The following TACR3 variants were observed in gnomAD, a reference collection of about 807,000 sequenced individuals.
The protein encoded by TACR3 is tachykinin receptor 3, also known as neuromedin-K receptor.
In TACR3, 34 loss-of-function variants were observed where a neutral mutation model predicts 35.0. The ratio of observed to expected loss-of-function variants is 0.97; its 90% CI spans 0.74 to 1.30. The LOEUF (loss-of-function observed/expected upper bound fraction) is 1.30. TACR3 is among the 50% of genes most tolerant of loss of function. The probability of loss-of-function intolerance (pLI) is 0.00; values close to 1 mark genes in which losing one functional copy is unlikely to be tolerated. For missense variants in TACR3, 558 were observed against 591.7 expected, an observed-to-expected ratio of 0.94 and a Z score of 0.59; for synonymous variants, 233 against 221.1, an observed-to-expected ratio of 1.05 and a Z score of -0.48.
intron 3 of TACR3, among the ~76,000 whole-genome samples, chr4:103,621,801 A>C (rs1042283706): frequency 2.0e-5 from 3 of 152,192 alleles, no homozygotes; most frequent in Non-Finnish European, 2.9e-5. Flanking sequence ...TTGGAGTGAG[A>C]GGTGGTTAAT....
intron 1 of TACR3, among the ~76,000 whole-genome samples, chr4:103,669,020 C>A (rs1361342455): frequency 6.6e-6 from 1 of 152,062 alleles, no homozygotes; most frequent in Non-Finnish European, 1.5e-5. Flanking sequence ...TTTTGGAATA[C>A]ACAATATATT....
intron 3 of TACR3, among the ~76,000 whole-genome samples, chr4:103,595,754 ATTTTT>A (rs1431355595): frequency 6.6e-6 from 1 of 151,274 alleles, no homozygotes; most frequent in Admixed American, 6.6e-5. Context: ...TAATTATTTT[ATTTTT>A]ATTATTATAC....
chr4:103,589,735 C>G lies in TACR3; in HGVS notation c.1345G>C (p.Ala449Pro). 1 of 1,613,880 alleles carries G rather than the reference C, an allele frequency of 6.2e-7. No individual in the cohort carries two copies. Among genetic ancestry groups the G allele is most frequent in the Non-Finnish European group, 8.5e-7 (1 of 1,179,876 alleles). Residue 449 changes from alanine to proline, a missense_variant, in exon 5 of 5, where the codon GCC becomes CCC. Coordinates refer to ENST00000304883, the MANE Select transcript of TACR3 (RefSeq NM_001059.3). ...GGTGAGCTTATGAAACTTGAAGTGGCGGAGGCAGATTTGGAATTCCTGCGA... is the reference window on the plus strand; with the variant it reads ...GGTGAGCTTATGAAACTTGAAGTGGGGGAGGCAGATTTGGAATTCCTGCGA... ...CSRRNSKSAS[A>P]TSSFISSPYT...
chr4:103,622,944 G>A (rs545784912), intron 3 of TACR3, among the ~76,000 whole-genome samples: 1 of 152,034 alleles, frequency 6.6e-6, no homozygotes, highest in Non-Finnish European at 1.5e-5. Context: ...GCATGTTAAA[G>A]TTCTACTCAA....
chr4:103,650,624 ATAAATATATAATATATATT>A (rs1560821876), intron 3 of TACR3, among the ~76,000 whole-genome samples: 6 of 96,086 alleles, frequency 6.2e-5, no homozygotes, highest in East Asian at 2.5e-4. Flanking sequence ...TATATTATAT[ATAAATATATAATATATATT>A]TAATATATAT....
intron 3 of TACR3, among the ~76,000 whole-genome samples, chr4:103,649,981 C>T (rs151020254): frequency 1.3e-3 from 195 of 152,120 alleles, no homozygotes; most frequent in Non-Finnish European, 2.3e-3. Context: ...ACCCATCCTT[C>T]TTGGGAAGGA....
rs547477320 is a variant in TACR3 at position 103,709,925 on chromosome 4, A to G, written c.548+9203T>C. 1.6e-4 allele frequency among the ~76,000 whole-genome samples: 24 copies of G among 152,322 alleles called. No homozygotes were observed. In the South Asian group the frequency reaches 4.8e-3, roughly 30 times the overall value. On this transcript the variant is annotated intron_variant, in intron 1 of 4. Transcript: ENST00000304883. ...AAGTGACAAAGAAGGCCATTACATA[A>G]TGGTAAAGGGATCAATTCAACAAGA...
intron 3 of TACR3, among the ~76,000 whole-genome samples, chr4:103,638,757 AC>A (rs1288978155): frequency 2.2e-4 from 33 of 152,146 alleles, no homozygotes; most frequent in African/African-American, 8.0e-4. Flanking sequence ...AAAACAAACA[AC>A]CCCATCAAAA....
chr4:103,601,117 C>T (rs1275615666), intron 3 of TACR3, among the ~76,000 whole-genome samples: 8 of 152,108 alleles, frequency 5.3e-5, no homozygotes, highest in Non-Finnish European at 1.2e-4. Flanking sequence ...TCGCTAAGGA[C>T]TTGCTTTATG....
At position 103,597,048 on chromosome 4, in the gene TACR3, G is replaced by A. The variant is rs187021471; in HGVS notation, c.889-5365C>T. The stretch of plus-strand genomic sequence containing the variant: ...CCAAGTCTTTGCTATTGTGAATAGT[G>A]CCGCAATAAACACATGTGTGCATGC... On this transcript the variant is annotated intron_variant, in intron 3 of 4. Transcript: ENST00000304883. Among the ~76,000 whole-genome samples the A allele has an allele frequency of 7.6e-3, 1,157 of 152,112 alleles. 18 individuals carry two copies. The highest frequency in any genetic ancestry group is 0.035 in the South Asian group (166 of 4,808).
intron 3 of TACR3, among the ~76,000 whole-genome samples, chr4:103,601,392 G>C (rs183533611): frequency 1.3e-5 from 2 of 152,104 alleles, no homozygotes; most frequent in South Asian, 4.1e-4. Flanking sequence ...TACATTTAAA[G>C]TTAATATTAT....
In TACR3 at chr4:103,719,272, G is replaced by A. The variant is rs773834697; in HGVS notation, c.404C>T (p.Ala135Val). ...GAAATTGACCAACGTGTTGAAGGCG[G>A]CCATGGAGGCGTCGGAGAAAGCCAG... Reference protein sequence around the residue: ...VNLAFSDASMAAFNTLVNFIY... With the variant: ...VNLAFSDASMVAFNTLVNFIY... Residue 135 changes from alanine to valine, a missense_variant, in exon 1 of 5, where the codon GCC becomes GTC. Ala to Val is a moderately conservative substitution (Grantham distance 64). Coordinates refer to ENST00000304883, the MANE Select transcript of TACR3 (RefSeq NM_001059.3). The A allele has an allele frequency of 1.2e-6, 2 of 1,614,122 alleles. No homozygotes were observed. Among genetic ancestry groups the A allele is most frequent in the East Asian group, 4.5e-5 (2 of 44,890 alleles).
At chr4:103,702,076 A>T (rs370485485) in intron 1 of TACR3, among the ~76,000 whole-genome samples, 23 of 152,114 alleles carry the variant, frequency 1.5e-4, no homozygotes, top group South Asian at 6.2e-4. Flanking sequence ...AAAGAGCTTC[A>T]GCACAGCAAA....
chr4:103,594,010 A>T (rs1206320105), intron 3 of TACR3, among the ~76,000 whole-genome samples: 2 of 152,150 alleles, frequency 1.3e-5, no homozygotes, highest in Non-Finnish European at 2.9e-5. Flanking sequence ...AAACAAAAGA[A>T]ACTGAAAGAC....
intron 1 of TACR3, among the ~76,000 whole-genome samples, chr4:103,694,501 G>C (rs951292016): frequency 6.6e-6 from 1 of 152,002 alleles, no homozygotes; most frequent in African/African-American, 2.4e-5. Context: ...ACCAAGTTCC[G>C]TTTTTTAGCC....
At chr4:103,601,988 C>T (rs1159969178) in intron 3 of TACR3, among the ~76,000 whole-genome samples, 2 of 152,314 alleles carry the variant, frequency 1.3e-5, no homozygotes, top group African/African-American at 4.8e-5. Context: ...TGTTTTCCAA[C>T]TTGGTTCCAA....
At chr4:103,662,889 A>C (rs536415634) in intron 1 of TACR3, among the ~76,000 whole-genome samples, 38 of 152,276 alleles carry the variant, frequency 2.5e-4, no homozygotes, top group African/African-American at 8.9e-4. Flanking sequence ...CAGCCACCAG[A>C]ACAATAAGAC....
chr4:103,641,538 G>A (rs185482809), intron 3 of TACR3, among the ~76,000 whole-genome samples: 34 of 152,090 alleles, frequency 2.2e-4, no homozygotes, highest in Non-Finnish European at 4.4e-4. Context: ...ATGTAAATTA[G>A]TACAGCCATT....
At chr4:103,617,774 AT>A (rs1258821461) in intron 3 of TACR3, among the ~76,000 whole-genome samples, 1 of 152,220 alleles carries the variant, frequency 6.6e-6, no homozygotes, top group African/African-American at 2.4e-5. Context: ...AAACTGATTT[AT>A]TTTGAAATAT....
Sources: gnomAD v4.1 joint callset for allele counts (sites outside exome capture counted in the v4.1 genomes callset) on GRCh38, gnomAD v4.1.1 for gene constraint, MANE v1.5 for transcripts, NCBI Gene and HGNC (gene_info 2026-07-23, HGNC 2026-07-21) for gene names.